The following MIR2052HG variants were observed in gnomAD, a reference collection of about 807,000 sequenced individuals.
MIR2052HG encodes MIR2052 host gene.
chr8:74,705,386 G>T (rs576303817), intron 4 of MIR2052HG, among the ~76,000 whole-genome samples: 32 of 151,894 alleles, frequency 2.1e-4, no homozygotes, highest in Non-Finnish European at 4.0e-4. Context: ...TCTCTAAAAA[G>T]TAAATAACCT....
intron 4 of MIR2052HG, among the ~76,000 whole-genome samples, chr8:74,734,545 A>G (rs1809727537): frequency 6.6e-6 from 1 of 152,238 alleles, no homozygotes; most frequent in Non-Finnish European, 1.5e-5. Flanking sequence ...GGAGCATTTC[A>G]AAACAAAGCC....
At chr8:74,603,137 T>TA (rs540380533) in intron 1 of MIR2052HG, 73 of 664,382 alleles carry the variant, frequency 1.1e-4, no homozygotes, top group African/African-American at 9.4e-4. Flanking sequence ...ACACTTTAAG[T>TA]AAAAAATCAC....
Position 74,754,096 on chromosome 8 carries a change from C to T in MIR2052HG, n.464+1563C>T, listed in dbSNP as rs532815599. Among the ~76,000 whole-genome samples, 13 of 152,148 alleles carry T rather than the reference C, an allele frequency of 8.5e-5. 1 individual carries two copies. The highest frequency in any genetic ancestry group is 2.1e-4 in the South Asian group (1 of 4,818). The stretch of plus-strand genomic sequence containing the variant: ...GCAGTATCTCGAGCAAGTTTCTATG[C>T]GCTGCATTTCCTCGTCTGTAAAATG... On this transcript the variant is annotated intron_variant and non_coding_transcript_variant, in intron 5 of 6. Transcript: ENST00000523442.
chr8:74,753,178 A>C (rs2128756892), intron 5 of MIR2052HG, among the ~76,000 whole-genome samples: 1 of 152,334 alleles, frequency 6.6e-6, no homozygotes, highest in Non-Finnish European at 1.5e-5. Flanking sequence ...CATTTGGTGC[A>C]TGGGTCCCAG....
At chr8:74,688,524 T>C (rs1455240308) in intron 2 of MIR2052HG, among the ~76,000 whole-genome samples, 1 of 152,238 alleles carries the variant, frequency 6.6e-6, no homozygotes, top group African/African-American at 2.4e-5. Context: ...GTGTACTTAT[T>C]GCAGTGATTT....
chr8:74,657,773 G>T (rs1053931027), intron 2 of MIR2052HG, among the ~76,000 whole-genome samples: 5 of 152,088 alleles, frequency 3.3e-5, no homozygotes, highest in Non-Finnish European at 7.3e-5. Context: ...AGAAAGACTT[G>T]CCCCCATGAT....
chr8:74,600,726 C>A (rs1807988034), intron 1 of MIR2052HG, among the ~76,000 whole-genome samples: 1 of 151,996 alleles, frequency 6.6e-6, no homozygotes, highest in African/African-American at 2.4e-5. Flanking sequence ...CAAGTGCGTG[C>A]CACCATGCCC....
chr8:74,748,482 G>T (rs926144779), intron 4 of MIR2052HG, among the ~76,000 whole-genome samples: 3 of 152,162 alleles, frequency 2.0e-5, no homozygotes, highest in Non-Finnish European at 4.4e-5. Context: ...GATCTCTCAG[G>T]TTGCCTTACA....
At chr8:74,712,526 A>G (rs1809478214) in intron 4 of MIR2052HG, among the ~76,000 whole-genome samples, 1 of 152,164 alleles carries the variant, frequency 6.6e-6, no homozygotes, top group Admixed American at 6.6e-5. Context: ...TCAGCAGACC[A>G]GGGAATTAAA....
chr8:74,655,893 C>T (rs1586905067), intron 2 of MIR2052HG, among the ~76,000 whole-genome samples: 1 of 152,126 alleles, frequency 6.6e-6, no homozygotes, highest in African/African-American at 2.4e-5. Flanking sequence ...CAGGAGGGGG[C>T]CTATACCCTG....
intron 2 of MIR2052HG, among the ~76,000 whole-genome samples, chr8:74,696,809 A>G (rs1809300908): frequency 6.6e-6 from 1 of 152,040 alleles, no homozygotes; most frequent in South Asian, 2.1e-4. Context: ...GCAAGCAGCA[A>G]GATTAAAATG....
At chr8:74,751,118 T>C (rs945265056) in intron 4 of MIR2052HG, among the ~76,000 whole-genome samples, 3 of 152,234 alleles carry the variant, frequency 2.0e-5, no homozygotes, top group Non-Finnish European at 4.4e-5. Context: ...GCACTTACGG[T>C]CGTTTGCGGT....
intron 4 of MIR2052HG, among the ~76,000 whole-genome samples, chr8:74,743,219 AT>A (rs1290654791): frequency 3.3e-5 from 5 of 152,176 alleles, no homozygotes; most frequent in African/African-American, 1.2e-4. Context: ...ATTTTAAAGC[AT>A]AGATAAAATT....
intron 4 of MIR2052HG, among the ~76,000 whole-genome samples, chr8:74,722,028 CAAAGTTAAA>C (rs562173188): frequency 6.2e-4 from 95 of 152,262 alleles, no homozygotes; most frequent in African/African-American, 2.2e-3. Flanking sequence ...CCCGTTTCTA[CAAAGTTAAA>C]AAATTAGCTG....
At chr8:74,712,397 G>A (rs1173300656) in intron 4 of MIR2052HG, among the ~76,000 whole-genome samples, 2 of 152,122 alleles carry the variant, frequency 1.3e-5, no homozygotes, top group African/African-American at 4.8e-5. Flanking sequence ...AAAAATGGGA[G>A]GAAACTCAGC....
At chr8:74,648,708 A>G (rs1025679399) in intron 2 of MIR2052HG, among the ~76,000 whole-genome samples, 1 of 152,144 alleles carries the variant, frequency 6.6e-6, no homozygotes, top group Non-Finnish European at 1.5e-5. Context: ...ACATTGAAAT[A>G]TTGGGGGCTG....
chr8:74,739,742 T>C (rs1809806793), intron 4 of MIR2052HG, among the ~76,000 whole-genome samples: 2 of 152,206 alleles, frequency 1.3e-5, no homozygotes, highest in South Asian at 2.1e-4. Flanking sequence ...TTTCAGATAG[T>C]TGATACTTCC....
At chr8:74,673,111 A>G (rs1809011088) in intron 2 of MIR2052HG, among the ~76,000 whole-genome samples, 1 of 152,074 alleles carries the variant, frequency 6.6e-6, no homozygotes, top group African/African-American at 2.4e-5. Context: ...GCTTTTATTG[A>G]CAGGAAGGAA....
intron 1 of MIR2052HG, among the ~76,000 whole-genome samples, chr8:74,600,605 G>A (rs558482542): frequency 2.5e-4 from 38 of 151,288 alleles, no homozygotes; most frequent in African/African-American, 8.2e-4. Flanking sequence ...AAAAAGAGAC[G>A]GAGCTCTGTC....
Sources: gnomAD v4.1 joint callset for allele counts (sites outside exome capture counted in the v4.1 genomes callset) on GRCh38, gnomAD v4.1.1 for gene constraint, MANE v1.5 for transcripts, NCBI Gene and HGNC (gene_info 2026-07-23, HGNC 2026-07-21) for gene names.